Variants in OR4C16 observed in about 807,000 individuals in gnomAD.
The protein encoded by OR4C16 is olfactory receptor 4C16.
A neutral mutation model predicts 14.4 loss-of-function variants in OR4C16; 24 were observed. That is an observed-to-expected ratio of 1.66 (90% CI 1.21 to 2.34). The LOEUF is 2.34. OR4C16 is among the 30% of genes most tolerant of loss of function. The probability of loss-of-function intolerance (pLI) is 0.00; values close to 1 mark genes in which losing one functional copy is unlikely to be tolerated. For missense variants in OR4C16, 674 were observed against 364.2 expected, an observed-to-expected ratio of 1.85 and a Z score of -6.92; for synonymous variants, 233 against 133.5, an observed-to-expected ratio of 1.75 and a Z score of -5.14.
chr11:55,572,601 T>A lies in OR4C16; in HGVS notation c.474T>A (p.Ile158=), dbSNP rs1241591753. 6.2e-7 allele frequency: 1 copy of A among 1,614,086 alleles called. No homozygotes were observed. Among genetic ancestry groups the A allele is most frequent in the Non-Finnish European group, 8.5e-7 (1 of 1,180,004 alleles). Residue 158 remains isoleucine, a synonymous_variant, in exon 1 of 1, where the codon ATT becomes ATA. Coordinates refer to ENST00000623907, the MANE Select transcript of OR4C16 (RefSeq NM_001004701.2). The part of the protein sequence containing the change: ...VGSCVHSLVQ[I]FLALSLPFCG... Reference sequence around the variant, plus strand: ...CCTGTGTGCATTCTTTAGTTCAGATTTTTCTTGCCCTGAGTTTGCCATTCT... The same window carrying A: ...CCTGTGTGCATTCTTTAGTTCAGATATTTCTTGCCCTGAGTTTGCCATTCT...
At position 55,572,445 on chromosome 11, in the gene OR4C16, C is replaced by T. The variant is rs375303396; in HGVS notation, c.318C>T (p.Gly106=). 7.4e-6 allele frequency: 12 copies of T among 1,614,038 alleles called. No individual in the cohort carries two copies. The South Asian group carries it at 8.8e-5, about 12-fold the overall frequency. The change falls in exon 1 of 1, where the codon GGC becomes GGT. Residue 106 remains glycine (G), a synonymous_variant. Transcript: ENST00000623907. ...AAGTCTTTTCATCCCATGTCTTTGG[C>T]TGCCTGGAGATCTTCATCCTCATCC... ...MIQVFSSHVF[G]CLEIFILILT...
Position 55,572,389 on chromosome 11 carries a change from A to T in OR4C16, c.262A>T (p.Thr88Ser), listed in dbSNP as rs370419824. ...RMIVDALLKK[T>S]TISFSECMIQ... is the part of the protein sequence containing the mutation. Reference sequence around the variant, plus strand: ...GATTGTGGATGCCCTTTTGAAGAAGACAACTATCTCCTTCAGCGAGTGCAT... The same window carrying T: ...GATTGTGGATGCCCTTTTGAAGAAGTCAACTATCTCCTTCAGCGAGTGCAT... The change falls in exon 1 of 1, where the codon ACA (threonine) becomes TCA (serine). Residue 88 changes from threonine to serine, a missense_variant. Coordinates refer to ENST00000623907, the MANE Select transcript of OR4C16 (RefSeq NM_001004701.2). The T allele has an allele frequency of 1.5e-3, 2,433 of 1,614,012 alleles. 43 individuals are homozygous for T. The South Asian group carries it at 0.025, about 16-fold the overall frequency.
Position 55,572,274 on chromosome 11 carries a change from C to A in OR4C16, c.147C>A (p.Thr49=). Residue 49 remains threonine (T), a synonymous_variant, in exon 1 of 1, where the codon ACC becomes ACA. Coordinates refer to ENST00000623907, the MANE Select transcript of OR4C16 (RefSeq NM_001004701.2). ...TGCTAATCATTATTAGTGTCAAGAC[C>A]AGCCAGGCACTTAAGAACCCAATGT... ...GNLLIIISVK[T]SQALKNPMFF... is the part of the protein sequence containing the mutation. 1 of 1,612,936 alleles carries A rather than the reference C, an allele frequency of 6.2e-7. No individual in the cohort carries two copies.
Position 55,572,440 on chromosome 11 carries a change from T to A in OR4C16, c.313T>A (p.Phe105Ile). The A allele has an allele frequency of 2.5e-6, 4 of 1,614,134 alleles. No individual in the cohort carries two copies. The highest frequency in any genetic ancestry group is 3.4e-6 in the Non-Finnish European group (4 of 1,180,020). ...GATCCAAGTCTTTTCATCCCATGTC[T>A]TTGGCTGCCTGGAGATCTTCATCCT... The part of the protein sequence containing the change: ...CMIQVFSSHV[F>I]GCLEIFILIL... Residue 105 changes from phenylalanine to isoleucine, a missense_variant, in exon 1 of 1, where the codon TTT (phenylalanine) becomes ATT (isoleucine). Coordinates refer to ENST00000623907, the MANE Select transcript of OR4C16 (RefSeq NM_001004701.2).
In OR4C16 at chr11:55,572,169, AT is replaced by A; in HGVS notation, c.44del (p.Leu15Ter). 6.2e-7 allele frequency: 1 copy of A among 1,612,184 alleles called. No homozygotes were observed. The highest frequency in any genetic ancestry group is 8.5e-7 in the Non-Finnish European group (1 of 1,178,740). On this transcript the variant is annotated frameshift_variant, in exon 1 of 1. Transcript: ENST00000623907. LOFTEE classifies it high-confidence loss of function. ...NNVTEFILLG[L>X]TQDPFWKKIV... ...ATGTGACTGAGTTCATTCTGCTTGG[AT>A]TGACACAGGATCCTTTTTGGAAGAA... is the stretch of plus-strand genomic sequence containing the variant.
Position 55,572,933 on chromosome 11 carries a change from T to C in OR4C16, c.806T>C (p.Ile269Thr), listed in dbSNP as rs761132787. ...ACCGTATTCCCCATGGATAAGATGA[T>C]AGCTGTATTTTATACAGTTGGAACA... is the stretch of plus-strand genomic sequence containing the variant. ...LATVFPMDKM[I>T]AVFYTVGTSF... Residue 269 changes from isoleucine (I) to threonine (T), a missense_variant, in exon 1 of 1, where the codon ATA (isoleucine) becomes ACA (threonine). Physicochemically the swap from Ile to Thr is moderately conservative, Grantham distance 89. Coordinates refer to ENST00000623907, the MANE Select transcript of OR4C16 (RefSeq NM_001004701.2). The C allele has an allele frequency of 1.4e-5, 22 of 1,612,960 alleles. No homozygotes were observed. Among genetic ancestry groups the C allele is most frequent in the Non-Finnish European group, 1.7e-5 (20 of 1,178,964 alleles).
chr11:55,572,272 A>G lies in OR4C16; in HGVS notation c.145A>G (p.Thr49Ala), dbSNP rs558465. 6.9e-4 allele frequency: 1,119 copies of G among 1,613,120 alleles called. 9 individuals are homozygous for G. In the African/African-American group the frequency reaches 0.013, roughly 19 times the overall value. ...GNLLIIISVK[T>A]SQALKNPMFF... is the part of the protein sequence containing the mutation. ...TTTGCTAATCATTATTAGTGTCAAGACCAGCCAGGCACTTAAGAACCCAAT... is the reference window on the plus strand; with the variant it reads ...TTTGCTAATCATTATTAGTGTCAAGGCCAGCCAGGCACTTAAGAACCCAAT... The change falls in exon 1 of 1, where the codon ACC becomes GCC. Residue 49 changes from threonine (T) to alanine (A), a missense_variant. Coordinates refer to ENST00000623907, the MANE Select transcript of OR4C16 (RefSeq NM_001004701.2).
chr11:55,572,722 TC>T lies in OR4C16; in HGVS notation c.597del (p.Asn200IlefsTer8). The T allele has an allele frequency of 6.2e-7, 1 of 1,613,706 alleles. No individual in the cohort carries two copies. The highest frequency in any genetic ancestry group is 8.5e-7 in the Non-Finnish European group (1 of 1,179,708). On this transcript the variant is annotated frameshift_variant, in exon 1 of 1. Transcript: ENST00000623907. LOFTEE classifies it high-confidence loss of function. Reference sequence around the variant, plus strand: ...CTATGTGGTTAACCTACTCCTGGTTTCCAATAGTGGGGCCATTTGTGCAGTG... The same window carrying T: ...CTATGTGGTTAACCTACTCCTGGTTTCAATAGTGGGGCCATTTGTGCAGTG... The part of the protein sequence containing the change: ...ETYVVNLLLV[S>X]NSGAICAVSY...
chr11:55,572,994 T>A lies in OR4C16; in HGVS notation c.867T>A (p.Asn289Lys), dbSNP rs1857411730. The A allele has an allele frequency of 5.6e-6, 9 of 1,606,024 alleles. No individual in the cohort carries two copies. The East Asian group carries it at 1.6e-4, about 28-fold the overall frequency. ...FLNPVIYTLK[N>K]TEVKSAMRKL... ...ACCCTGTGATTTACACGCTGAAGAA[T>A]ACAGAAGTGAAAAGTGCCATGAGGA... Residue 289 changes from asparagine to lysine, a missense_variant, in exon 1 of 1, where the codon AAT (asparagine) becomes AAA (lysine). Transcript: ENST00000623907.
In OR4C16 at chr11:55,572,324, T is replaced by C. The variant is rs1279522928; in HGVS notation, c.197T>C (p.Leu66Ser). The C allele has an allele frequency of 4.3e-6, 7 of 1,613,332 alleles. No homozygotes were observed. The highest frequency in any genetic ancestry group is 5.9e-6 in the Non-Finnish European group (7 of 1,179,318). ...PMFFFLFYLS[L>S]SDTCLSTSIT... ...TTCTTCTTCCTTTTCTACTTATCCTTATCTGATACTTGCCTCTCTACTTCC... is the reference window on the plus strand; with the variant it reads ...TTCTTCTTCCTTTTCTACTTATCCTCATCTGATACTTGCCTCTCTACTTCC... The change falls in exon 1 of 1, where the codon TTA (leucine) becomes TCA (serine). Residue 66 changes from leucine (L) to serine (S), a missense_variant. Physicochemically the swap from Leu to Ser is moderately radical, Grantham distance 145 (BLOSUM62 -2). Coordinates refer to ENST00000623907, the MANE Select transcript of OR4C16 (RefSeq NM_001004701.2).
chr11:55,572,238 G>C lies in OR4C16; in HGVS notation c.111G>C (p.Leu37=), dbSNP rs1177775900. The C allele has an allele frequency of 6.2e-7, 1 of 1,611,616 alleles. No homozygotes were observed. The highest frequency in any genetic ancestry group is 8.5e-7 in the Non-Finnish European group (1 of 1,177,916). ...VIFLRLYLGT[L]LGNLLIIISV... ...TTTTGCGTCTCTACTTGGGAACACT[G>C]TTGGGTAATTTGCTAATCATTATTA... Residue 37 remains leucine, a synonymous_variant, in exon 1 of 1, where the codon CTG becomes CTC. Coordinates refer to ENST00000623907, the MANE Select transcript of OR4C16 (RefSeq NM_001004701.2).
At position 55,572,600 on chromosome 11, in the gene OR4C16, T is replaced by C; in HGVS notation, c.473T>C (p.Ile158Thr). 1 of 1,614,112 alleles carries C rather than the reference T, an allele frequency of 6.2e-7. No homozygotes were observed. The highest frequency in any genetic ancestry group is 1.7e-4 in the Middle Eastern group (1 of 6,060). Residue 158 changes from isoleucine (I) to threonine (T), a missense_variant, in exon 1 of 1, where the codon ATT becomes ACT. Physicochemically the swap from Ile to Thr is moderately conservative, Grantham distance 89. Coordinates refer to ENST00000623907, the MANE Select transcript of OR4C16 (RefSeq NM_001004701.2). ...VGSCVHSLVQ[I>T]FLALSLPFCG... ...TCCTGTGTGCATTCTTTAGTTCAGA[T>C]TTTTCTTGCCCTGAGTTTGCCATTC...
rs1403183238 is a variant in OR4C16, at chr11:55,572,627, G to C, written c.500G>C (p.Cys167Ser). 6.2e-7 allele frequency: 1 copy of C among 1,614,152 alleles called. No homozygotes were observed. ...QIFLALSLPF[C>S]GPNVINHCFC... is the part of the protein sequence containing the mutation. The stretch of plus-strand genomic sequence containing the variant: ...TTTCTTGCCCTGAGTTTGCCATTCT[G>C]TGGCCCCAATGTGATCAATCACTGT... The change falls in exon 1 of 1, where the codon TGT becomes TCT. Residue 167 changes from cysteine (C) to serine (S), a missense_variant. Transcript: ENST00000623907.
At position 55,572,499 on chromosome 11, in the gene OR4C16, C is replaced by T; in HGVS notation, c.372C>T (p.Ile124=). The T allele has an allele frequency of 1.9e-6, 3 of 1,614,104 alleles. No individual in the cohort carries two copies. The highest frequency in any genetic ancestry group is 2.5e-6 in the Non-Finnish European group (3 of 1,179,992). ...ILTAVDRYVD[I]CKPLHYMTII... is the part of the protein sequence containing the mutation. The stretch of plus-strand genomic sequence containing the variant: ...CGGCTGTTGACCGCTATGTGGACAT[C>T]TGTAAGCCCCTGCACTACATGACCA... The change falls in exon 1 of 1, where the codon ATC becomes ATT. Residue 124 remains isoleucine (I), a synonymous_variant. Transcript: ENST00000623907.
Position 55,572,689 on chromosome 11 carries a change from T to A in OR4C16, c.562T>A (p.Ser188Thr), listed in dbSNP as rs567881765. Residue 188 changes from serine (S) to threonine (T), a missense_variant, in exon 1 of 1, where the codon TCA becomes ACA. Coordinates refer to ENST00000623907, the MANE Select transcript of OR4C16 (RefSeq NM_001004701.2). ...GCAGCCCTTGTTGAAACAAGCCTGT[T>A]CAGAAACCTATGTGGTTAACCTACT... ...DLQPLLKQAC[S>T]ETYVVNLLLV... 8.1e-6 allele frequency: 13 copies of A among 1,614,096 alleles called. No individual in the cohort carries two copies. The South Asian group carries it at 8.8e-5, about 11-fold the overall frequency.
In OR4C16 at chr11:55,573,047, A is replaced by G; in HGVS notation, c.920A>G (p.Asp307Gly). Residue 307 changes from aspartate (D) to glycine (G), a missense_variant, in exon 1 of 1, where the codon GAT (aspartate) becomes GGT (glycine). Physicochemically the swap from Asp to Gly is moderately conservative, Grantham distance 94. Transcript: ENST00000623907. ...CTTTGGAGCAAGAAATTGATCACAG[A>G]TGACAAAAGATAAATGAAGGTTTCA... is the stretch of plus-strand genomic sequence containing the variant. ...RKLWSKKLIT[D>G]DKR 2 of 1,544,072 alleles carry G rather than the reference A, an allele frequency of 1.3e-6. No homozygotes were observed. The highest frequency in any genetic ancestry group is 1.7e-6 in the Non-Finnish European group (2 of 1,144,864).
rs1565052351 is a variant in OR4C16 at position 55,572,526 on chromosome 11, C to G, written c.399C>G (p.Ile133Met). 6.2e-7 allele frequency: 1 copy of G among 1,614,112 alleles called. No individual in the cohort carries two copies. Residue 133 changes from isoleucine to methionine, a missense_variant, in exon 1 of 1, where the codon ATC becomes ATG. Transcript: ENST00000623907. Reference sequence around the variant, plus strand: ...GTAAGCCCCTGCACTACATGACCATCATAAGCCAGTGGGTCTGTGGTGTTT... The same window carrying G: ...GTAAGCCCCTGCACTACATGACCATGATAAGCCAGTGGGTCTGTGGTGTTT... ...DICKPLHYMT[I>M]ISQWVCGVLM... is the part of the protein sequence containing the mutation.
rs142941780 is a variant in OR4C16, at chr11:55,572,621, C to A, written c.494C>A (p.Pro165Gln). Residue 165 changes from proline to glutamine, a missense_variant, in exon 1 of 1, where the codon CCA becomes CAA. Physicochemically the swap from Pro to Gln is moderately conservative, Grantham distance 76. Transcript: ENST00000623907. ...CAGATTTTTCTTGCCCTGAGTTTGC[C>A]ATTCTGTGGCCCCAATGTGATCAAT... ...LVQIFLALSLPFCGPNVINHC... is the reference protein window; with the variant it reads ...LVQIFLALSLQFCGPNVINHC... 9 of 1,613,996 alleles carry A rather than the reference C, an allele frequency of 5.6e-6. No homozygotes were observed. The highest frequency in any genetic ancestry group is 7.6e-6 in the Non-Finnish European group (9 of 1,180,034).
chr11:55,572,406 C>A lies in OR4C16; in HGVS notation c.279C>A (p.Ser93Arg), dbSNP rs139451832. The A allele has an allele frequency of 2.6e-5, 42 of 1,613,960 alleles. No individual in the cohort carries two copies. In the African/African-American group the frequency reaches 5.1e-4, roughly 19 times the overall value. The change falls in exon 1 of 1, where the codon AGC becomes AGA. Residue 93 changes from serine (S) to arginine (R), a missense_variant. By Grantham distance (110) the Ser-to-Arg change is moderately radical. Transcript: ENST00000623907. The stretch of plus-strand genomic sequence containing the variant: ...TGAAGAAGACAACTATCTCCTTCAG[C>A]GAGTGCATGATCCAAGTCTTTTCAT... ...ALLKKTTISF[S>R]ECMIQVFSSH...
Sources: gnomAD v4.1 joint callset for allele counts on GRCh38, gnomAD v4.1.1 for gene constraint, MANE v1.5 for transcripts, NCBI Gene and HGNC (gene_info 2026-07-23, HGNC 2026-07-21) for gene names.